GALNT13: variants seen among roughly 807,000 people sequenced by gnomAD.
The protein encoded by GALNT13 is polypeptide N-acetylgalactosaminyltransferase 13, also known as UDP-GalNAc:polypeptide N-acetylgalactosaminyltransferase 13.
Under a neutral mutation model 64.2 loss-of-function variants are expected in GALNT13, and 28 were observed. That is an observed-to-expected ratio of 0.44 (90% CI 0.32 to 0.60). GALNT13 has a LOEUF of 0.60. Ranked by LOEUF, GALNT13 falls within the 20% of genes least tolerant of loss-of-function variation. GALNT13 has a pLI of 0.05. For missense variants in GALNT13, 577 were observed against 669.8 expected, an observed-to-expected ratio of 0.86 and a Z score of 1.53; for synonymous variants, 214 against 224.6, an observed-to-expected ratio of 0.95 and a Z score of 0.42.
At chr2:154,031,970 A>T (rs938136737) in intron 3 of GALNT13, among the ~76,000 whole-genome samples, 2 of 151,924 alleles carry the variant, frequency 1.3e-5, no homozygotes, top group Non-Finnish European at 2.9e-5. Flanking sequence ...AGCTAAAGCA[A>T]CTCTTCAAGG....
the GALNT13 span, among the ~76,000 whole-genome samples, chr2:153,199,697 A>T: frequency 4.6e-5 from 7 of 152,326 alleles, no homozygotes; most frequent in African/African-American, 4.8e-5. Context: ...CGATTGGAAG[A>T]TATGTTGTCC....
chr2:153,595,603 C>A, the GALNT13 span, among the ~76,000 whole-genome samples: 1 of 151,358 alleles, frequency 6.6e-6, no homozygotes, highest in Admixed American at 6.6e-5. Context: ...TAATAAAACC[C>A]AACTATACGA....
chr2:153,960,304 G>C (rs989719141), intron 3 of GALNT13, among the ~76,000 whole-genome samples: 2 of 152,196 alleles, frequency 1.3e-5, no homozygotes, highest in Non-Finnish European at 2.9e-5. Flanking sequence ...CATGTTGGGT[G>C]CCAAGCTGAT....
At chr2:153,976,870 G>A (rs530061129) in intron 3 of GALNT13, among the ~76,000 whole-genome samples, 1 of 152,110 alleles carries the variant, frequency 6.6e-6, no homozygotes, top group East Asian at 1.9e-4. Context: ...ATTGATATGG[G>A]TATGCATTTA....
At chr2:154,339,142 T>G (rs2105217984) in intron 9 of GALNT13, among the ~76,000 whole-genome samples, 1 of 152,264 alleles carries the variant, frequency 6.6e-6, no homozygotes, top group African/African-American at 2.4e-5. Flanking sequence ...ATCCTGCTCT[T>G]ACACTCTGAA....
intron 3 of GALNT13, among the ~76,000 whole-genome samples, chr2:154,002,438 G>T (rs1030374821): frequency 6.6e-6 from 1 of 151,638 alleles, no homozygotes; most frequent in Non-Finnish European, 1.5e-5. Flanking sequence ...GGTCAAGTCT[G>T]CTGTTGAAGA....
At chr2:153,423,146 T>C in the GALNT13 span, among the ~76,000 whole-genome samples, 6 of 151,816 alleles carry the variant, frequency 4.0e-5, no homozygotes, top group Admixed American at 3.9e-4. Flanking sequence ...AAGAAAAACA[T>C]GCACATTTAA....
At chr2:153,487,857 T>C in the GALNT13 span, among the ~76,000 whole-genome samples, 1 of 152,222 alleles carries the variant, frequency 6.6e-6, no homozygotes, top group Non-Finnish European at 1.5e-5. Flanking sequence ...AGGGCTTTGT[T>C]TTTTTGCATC....
chr2:153,985,896 G>A (rs1286134104), intron 3 of GALNT13, among the ~76,000 whole-genome samples: 4 of 152,078 alleles, frequency 2.6e-5, no homozygotes, highest in African/African-American at 9.7e-5. Context: ...ATCTTTGGCT[G>A]TATTTAGTTT....
At chr2:153,424,455 A>G in the GALNT13 span, among the ~76,000 whole-genome samples, 1 of 151,820 alleles carries the variant, frequency 6.6e-6, no homozygotes, top group African/African-American at 2.4e-5. Flanking sequence ...AAGAGAAGCT[A>G]GTTATTGAAA....
chr2:154,298,501 CATATATAAATTATATATT>C (rs1693088286), intron 8 of GALNT13, among the ~76,000 whole-genome samples: 2 of 75,072 alleles, frequency 2.7e-5, no homozygotes, highest in African/African-American at 8.6e-5. Flanking sequence ...ATTATATATA[CATATATAAATTATATATT>C]ATATATAAAA....
chr2:153,576,025 G>A, the GALNT13 span, among the ~76,000 whole-genome samples: 1 of 152,154 alleles, frequency 6.6e-6, no homozygotes, highest in African/African-American at 2.4e-5. Context: ...TTCTGGCACA[G>A]GGTGTGTCTA....
At chr2:153,607,951 A>T in the GALNT13 span, among the ~76,000 whole-genome samples, 24 of 152,232 alleles carry the variant, frequency 1.6e-4, no homozygotes, top group East Asian at 7.7e-4. Context: ...TAGCTCATAT[A>T]TATATGTAAG....
At chr2:153,509,186 T>C in the GALNT13 span, among the ~76,000 whole-genome samples, 1 of 152,160 alleles carries the variant, frequency 6.6e-6, no homozygotes, top group South Asian at 2.1e-4. Context: ...AGCAGGTACT[T>C]TTGAGCCTGC....
At chr2:154,254,963 T>G in intron 7 of GALNT13, among the ~76,000 whole-genome samples, 1 of 152,102 alleles carries the variant, frequency 6.6e-6, no homozygotes, top group East Asian at 1.9e-4. Flanking sequence ...AATTATTAAA[T>G]GCATATATCC....
the GALNT13 span, among the ~76,000 whole-genome samples, chr2:153,802,162 T>C: frequency 6.6e-6 from 1 of 152,224 alleles, no homozygotes; most frequent in Admixed American, 6.5e-5. Context: ...TAAGTTTTCT[T>C]AGAAATCATG....
the GALNT13 span, among the ~76,000 whole-genome samples, chr2:153,679,668 A>C: frequency 6.6e-6 from 1 of 151,850 alleles, no homozygotes; most frequent in East Asian, 1.9e-4. Flanking sequence ...TTCTCCCACA[A>C]ATCTTCCACC....
chr2:153,566,348 GTTTTT>G, the GALNT13 span, among the ~76,000 whole-genome samples: 2 of 74,826 alleles, frequency 2.7e-5, no homozygotes, highest in African/African-American at 1.3e-4. Flanking sequence ...TTCTAATCAC[GTTTTT>G]TTTTTTTTTT....
At chr2:154,271,858 T>C (rs371680163) in intron 8 of GALNT13, among the ~76,000 whole-genome samples, 15 of 151,742 alleles carry the variant, frequency 9.9e-5, no homozygotes, top group East Asian at 5.8e-4. Flanking sequence ...ATTGTAACAA[T>C]GATGTATGGA....
Sources: allele counts gnomAD v4.1 joint callset (sites outside exome capture counted in the v4.1 genomes callset), GRCh38; gene constraint gnomAD v4.1.1; transcripts MANE v1.5; gene names NCBI Gene and HGNC (gene_info 2026-07-23, HGNC 2026-07-21).